PLEKHA5: variants seen among roughly 807,000 people sequenced by gnomAD.
PLEKHA5 encodes pleckstrin homology domain containing A5.
Under a neutral mutation model 181.9 loss-of-function variants are expected in PLEKHA5, and 55 were observed. The ratio of observed to expected loss-of-function variants is 0.30; its 90% CI spans 0.24 to 0.38. The LOEUF (loss-of-function observed/expected upper bound fraction) is 0.38, where lower values mean the gene tolerates loss of function less well. PLEKHA5 is among the 10% of genes least tolerant of loss of function. The pLI is 1.00. For synonymous variants in PLEKHA5, 535 were observed against 529.4 expected, an observed-to-expected ratio of 1.01 and a Z score of -0.15; for missense variants, 1,432 against 1,549.5, an observed-to-expected ratio of 0.92 and a Z score of 1.27.
At chr12:19,372,343 T>C (rs2153336179) in intron 31 of PLEKHA5, 1 of 152,280 alleles carries the variant, frequency 6.6e-6, no homozygotes, top group East Asian at 1.9e-4. Flanking sequence ...GTGTACCTTC[T>C]TTTGAGAAAT....
At chr12:19,137,902 G>T (rs941002014) in intron 3 of PLEKHA5, among the ~76,000 whole-genome samples, 1 of 152,106 alleles carries the variant, frequency 6.6e-6, no homozygotes, top group Non-Finnish European at 1.5e-5. Context: ...ATCAAGATGG[G>T]GAAAGAATAG....
intron 3 of PLEKHA5, among the ~76,000 whole-genome samples, chr12:19,166,143 C>CT (rs1565889454): frequency 6.6e-6 from 1 of 151,976 alleles, no homozygotes; most frequent in Non-Finnish European, 1.5e-5. Context: ...TCATAATGTT[C>CT]TTTTTTTCAA....
chr12:19,296,713 G>C (rs2079905174), intron 15 of PLEKHA5, among the ~76,000 whole-genome samples: 1 of 152,084 alleles, frequency 6.6e-6, no homozygotes, highest in Non-Finnish European at 1.5e-5. Flanking sequence ...CCTGGACCAG[G>C]TCTGGTTGGG....
At position 19,322,644 on chromosome 12, in the gene PLEKHA5, C is replaced by A; in HGVS notation, c.2425C>A (p.Arg809=). Residue 809 remains arginine, a synonymous_variant, in exon 20 of 32, where the codon CGA becomes AGA. Coordinates refer to ENST00000429027, the MANE Select transcript of PLEKHA5 (RefSeq NM_001256470.2). ...DLQNGLLSTC[R]ELSRATAELE... ...ACAAAATGGACTGCTTAGTACGTGT[C>A]GAGAACTTTCTCGAGCCACTGCCGT... 1 of 1,612,538 alleles carries A rather than the reference C, an allele frequency of 6.2e-7. No homozygotes were observed. The highest frequency in any genetic ancestry group is 1.1e-5 in the South Asian group (1 of 90,612).
chr12:19,191,550 C>T (rs1026459859), intron 3 of PLEKHA5, among the ~76,000 whole-genome samples: 9 of 152,282 alleles, frequency 5.9e-5, no homozygotes, highest in Middle Eastern at 3.4e-3. Context: ...CCAAAATATT[C>T]AGTTATACAA....
intron 3 of PLEKHA5, among the ~76,000 whole-genome samples, chr12:19,184,432 A>G (rs2049345787): frequency 6.6e-6 from 1 of 152,208 alleles, no homozygotes; most frequent in Admixed American, 6.5e-5. Flanking sequence ...TAGGATGTAC[A>G]TGTGAGATAC....
chr12:19,258,894 T>G (rs1167724253), intron 6 of PLEKHA5, among the ~76,000 whole-genome samples: 1 of 152,140 alleles, frequency 6.6e-6, no homozygotes, highest in Non-Finnish European at 1.5e-5. Context: ...TTCTCCATAT[T>G]TTCCAGCTAG....
intron 12 of PLEKHA5, among the ~76,000 whole-genome samples, chr12:19,286,896 G>A (rs929314199): frequency 2.0e-5 from 3 of 151,550 alleles, no homozygotes; most frequent in Admixed American, 6.6e-5. Flanking sequence ...AACCCAGGAG[G>A]TGGAGGTTGC....
chr12:19,214,095 G>A (rs2057485198), intron 3 of PLEKHA5, among the ~76,000 whole-genome samples: 1 of 152,164 alleles, frequency 6.6e-6, no homozygotes, highest in Non-Finnish European at 1.5e-5. Flanking sequence ...GATGGAGTGT[G>A]TAAAATGAAG....
chr12:19,171,853 C>T (rs1013581178), intron 3 of PLEKHA5, among the ~76,000 whole-genome samples: 6 of 152,158 alleles, frequency 3.9e-5, no homozygotes, highest in African/African-American at 1.2e-4. Context: ...CACAAACACA[C>T]ACATTAGCCT....
chr12:19,340,337 C>T (rs1465489467), intron 21 of PLEKHA5, among the ~76,000 whole-genome samples: 3 of 150,458 alleles, frequency 2.0e-5, no homozygotes, highest in Admixed American at 6.6e-5. Flanking sequence ...CCCCTCTGCC[C>T]GGCCAGCCGC....
intron 3 of PLEKHA5, among the ~76,000 whole-genome samples, chr12:19,172,673 C>T (rs889977721): frequency 5.3e-5 from 8 of 152,164 alleles, no homozygotes; most frequent in African/African-American, 1.9e-4. Flanking sequence ...GCACAGTTCT[C>T]TTATATATAC....
At chr12:19,186,390 T>C (rs541384169) in intron 3 of PLEKHA5, among the ~76,000 whole-genome samples, 82 of 152,328 alleles carry the variant, frequency 5.4e-4, no homozygotes, top group African/African-American at 1.9e-3. Flanking sequence ...GGTGATTGTT[T>C]CTTTCTGGTC....
At chr12:19,313,640 G>A (rs570154382) in intron 15 of PLEKHA5, among the ~76,000 whole-genome samples, 47 of 151,814 alleles carry the variant, frequency 3.1e-4, no homozygotes, top group African/African-American at 1.1e-3. Flanking sequence ...GCAGTTGTAG[G>A]CACAGAGATT....
intron 3 of PLEKHA5, among the ~76,000 whole-genome samples, chr12:19,167,796 A>G (rs1045271191): frequency 1.3e-5 from 2 of 152,148 alleles, no homozygotes; most frequent in Non-Finnish European, 2.9e-5. Flanking sequence ...AAGGAGAAGA[A>G]TGCAGTGTCA....
In PLEKHA5 at chr12:19,274,925, C is replaced by A; in HGVS notation, c.1255C>A (p.Gln419Lys). 6.2e-7 allele frequency: 1 copy of A among 1,613,240 alleles called. No homozygotes were observed. Among genetic ancestry groups the A allele is most frequent in the Non-Finnish European group, 8.5e-7 (1 of 1,179,974 alleles). ...CATACAGAGAACAAATTCAATGCAG[C>A]AGTTGGAACAGTGGATTAAAATCCA... is the stretch of plus-strand genomic sequence containing the variant. ...RVIQRTNSMQ[Q>K]LEQWIKIQKG... Residue 419 changes from glutamine to lysine, a missense_variant, in exon 11 of 32, where the codon CAG becomes AAG. This residue lies in a region of PLEKHA5 where 1,143 missense variants were observed against 1,168.4 expected (regional missense o/e 0.98). Coordinates refer to ENST00000429027, the MANE Select transcript of PLEKHA5 (RefSeq NM_001256470.2).
intron 7 of PLEKHA5, 74 bp downstream of exon 7, chr12:19,261,095 A>T: frequency 5.3e-6 from 4 of 751,936 alleles, no homozygotes; most frequent in Non-Finnish European, 6.7e-6. Flanking sequence ...CAGATACTTT[A>T]AAAAGTATTG....
At position 19,366,250 on chromosome 12, in the gene PLEKHA5, C is replaced by T; in HGVS notation, c.3754+141C>T. The T allele has an allele frequency of 4.5e-6, 3 of 670,266 alleles. No homozygotes were observed. In the South Asian group the frequency reaches 5.5e-5, roughly 12 times the overall value. 41.5% of individuals were successfully genotyped at this position (670,266 alleles called of 1,614,324 possible). On this transcript the variant is annotated intron_variant, in intron 30 of 31. Transcript: ENST00000429027. ...GTCAACGTTTGCCTCCCCAAGTGTA[C>T]CTTCAGGAGGATGCAGCCCCTGCCA...
intron 3 of PLEKHA5, among the ~76,000 whole-genome samples, chr12:19,220,222 TG>T (rs1443405295): frequency 2.0e-5 from 3 of 151,650 alleles, no homozygotes; most frequent in African/African-American, 7.3e-5. Context: ...TTTTAAGCTT[TG>T]AGTAAATGCT....
Sources: allele counts gnomAD v4.1 joint callset (sites outside exome capture counted in the v4.1 genomes callset), GRCh38; gene constraint gnomAD v4.1.1; regional missense constraint gnomAD v4.1.1; transcripts MANE v1.5; gene names NCBI Gene and HGNC (gene_info 2026-07-23, HGNC 2026-07-21).